The following HTR6 variants were observed in gnomAD, a reference collection of about 807,000 sequenced individuals.
The protein encoded by HTR6 is 5-hydroxytryptamine receptor 6, also known as 5-hydroxytryptamine (serotonin) receptor 6, G protein-coupled.
HTR6 carries 15 observed loss-of-function variants against 17.4 expected under a neutral mutation model. That is an observed-to-expected ratio of 0.86 (90% CI 0.58 to 1.33). The LOEUF is 1.33. Among genes scored for constraint, HTR6 ranks in the 40% most tolerant of loss-of-function variants. The pLI is 0.00. For synonymous variants in HTR6, 326 were observed against 295.5 expected, an observed-to-expected ratio of 1.10 and a Z score of -1.06; for missense variants, 578 against 616.0, an observed-to-expected ratio of 0.94 and a Z score of 0.65.
chr1:19,666,382 G>A lies in HTR6; in HGVS notation c.629G>A (p.Arg210Lys). The A allele has an allele frequency of 1.2e-6, 2 of 1,613,860 alleles. No homozygotes were observed. Among genetic ancestry groups the A allele is most frequent in the Non-Finnish European group, 1.7e-6 (2 of 1,179,990 alleles). ...GGTGCCATATGCTTCACCTACTGCAGGATCCTGCTAGCTGCCCGCAAGCAG... is the reference window on the plus strand; with the variant it reads ...GGTGCCATATGCTTCACCTACTGCAAGATCCTGCTAGCTGCCCGCAAGCAG... ...PSGAICFTYC[R>K]ILLAARKQAV... The change falls in exon 1 of 3, where the codon AGG (arginine) becomes AAG (lysine). Residue 210 changes from arginine to lysine, a missense_variant. By Grantham distance (26) the Arg-to-Lys change is conservative. Coordinates refer to ENST00000289753, the MANE Select transcript of HTR6 (RefSeq NM_000871.3). The surrounding 1 kb of genome is among the most constrained non-coding windows in gnomAD (Gnocchi z 4.5).
chr1:19,670,927 T>G (rs1183879034), intron 1 of HTR6, among the ~76,000 whole-genome samples: 10 of 152,126 alleles, frequency 6.6e-5, no homozygotes, highest in Non-Finnish European at 1.3e-4. Flanking sequence ...CCTTTCAGAG[T>G]CACTTCTTGA....
chr1:19,677,963 C>T (rs543984551), intron 1 of HTR6, among the ~76,000 whole-genome samples: 1 of 152,346 alleles, frequency 6.6e-6, no homozygotes, highest in South Asian at 2.1e-4. Flanking sequence ...TGGTCTCAAA[C>T]TCCTGACCTC....
rs1029898928 is a variant in HTR6, at chr1:19,680,084, C to T, written c.*716C>T. ...CACCTATGAGCTCTGGGGCCTGACA[C>T]GAGTTATTTAACCTCTCCGAGCCTC... On this transcript the variant is annotated 3_prime_UTR_variant, in exon 3 of 3. Transcript: ENST00000289753. 3.3e-5 allele frequency among the ~76,000 whole-genome samples: 5 copies of T among 152,182 alleles called. No homozygotes were observed. The highest frequency in any genetic ancestry group is 4.8e-5 in the African/African-American group (2 of 41,426).
At chr1:19,676,525 T>C (rs1425030452) in intron 1 of HTR6, among the ~76,000 whole-genome samples, 4 of 152,232 alleles carry the variant, frequency 2.6e-5, no homozygotes, top group Non-Finnish European at 5.9e-5. Context: ...CCCAGCAACC[T>C]CCTTGCCATT....
At chr1:19,676,653 C>T (rs955834757) in intron 1 of HTR6, among the ~76,000 whole-genome samples, 4 of 152,188 alleles carry the variant, frequency 2.6e-5, no homozygotes, top group African/African-American at 9.7e-5. Flanking sequence ...AGAGGGCATG[C>T]GCAGCAGAGT....
At chr1:19,671,185 T>C (rs2095087551) in intron 1 of HTR6, among the ~76,000 whole-genome samples, 2 of 152,144 alleles carry the variant, frequency 1.3e-5, no homozygotes, top group Non-Finnish European at 2.9e-5. Flanking sequence ...TATTATTCAC[T>C]GTGTATGTTT....
intron 1 of HTR6, among the ~76,000 whole-genome samples, chr1:19,668,708 C>T (rs961881117): frequency 6.6e-6 from 1 of 152,194 alleles, no homozygotes; most frequent in African/African-American, 2.4e-5. Flanking sequence ...TGCCCCCGTG[C>T]CTGGCATTCT....
Position 19,679,686 on chromosome 1 carries a change from C to G in HTR6, c.*318C>G, listed in dbSNP as rs2095099269. On this transcript the variant is annotated 3_prime_UTR_variant, in exon 3 of 3. Coordinates refer to ENST00000289753, the MANE Select transcript of HTR6 (RefSeq NM_000871.3). The surrounding 1 kb of genome is among the most constrained non-coding windows in gnomAD (Gnocchi z 4.9). ...CAGGTTAGGATGAAAACAATCATGA[C>G]CTTTGCCCATTCTGTCAGGCTGGAC... The G allele has an allele frequency of 3.0e-6, 1 of 337,346 alleles. No individual in the cohort carries two copies. The highest frequency in any genetic ancestry group is 2.1e-5 in the African/African-American group (1 of 47,490). The allele number at this position is 337,346 out of a possible 1,614,324, so 20.9% of individuals were successfully genotyped here. A position where few individuals can be genotyped will look rare whatever the true frequency, so the allele number is the denominator to read the frequency against.
chr1:19,668,402 T>A (rs1225176950), intron 1 of HTR6, among the ~76,000 whole-genome samples: 1 of 152,146 alleles, frequency 6.6e-6, no homozygotes, highest in Non-Finnish European at 1.5e-5. Flanking sequence ...CGATCATAAC[T>A]CACTGAACTC....
chr1:19,674,049 G>A (rs1301320119), intron 1 of HTR6, among the ~76,000 whole-genome samples: 1 of 151,972 alleles, frequency 6.6e-6, no homozygotes, highest in African/African-American at 2.4e-5. Context: ...TGTATTTTTT[G>A]TAGAGATGGG....
Position 19,665,622 on chromosome 1 carries a change from C to T in HTR6, c.-132C>T. On this transcript the variant is annotated 5_prime_UTR_variant, in exon 1 of 3. Transcript: ENST00000289753. This position sits in a 1 kb window ranked among gnomAD's most constrained non-coding sequence, Gnocchi z 4.2. ...GCGCCCCCGCCCATGTCCCCCCACT[C>T]ACCTCCCCCGGGGGGCGTGGTGAGT... 2 of 634,348 alleles carry T rather than the reference C, an allele frequency of 3.2e-6. No individual in the cohort carries two copies. Among genetic ancestry groups the T allele is most frequent in the South Asian group, 2.7e-5 (1 of 37,520 alleles). The allele number at this position is 634,348 out of a possible 1,614,324, so 39.3% of individuals were successfully genotyped here. A position where few individuals can be genotyped will look rare whatever the true frequency, so the allele number is the denominator to read the frequency against.
In HTR6 at chr1:19,679,502, G is replaced by A; in HGVS notation, c.*134G>A. On this transcript the variant is annotated 3_prime_UTR_variant, in exon 3 of 3. Transcript: ENST00000289753. The surrounding 1 kb of genome is among the most constrained non-coding windows in gnomAD (Gnocchi z 4.9). The stretch of plus-strand genomic sequence containing the variant: ...CCTCTGAGCTCCAGAGGGGTGCGCA[G>A]AGCTGACCCCCTGCTGCCATCTCCA... The A allele has an allele frequency of 7.7e-7, 1 of 1,303,698 alleles. No homozygotes were observed. Among genetic ancestry groups the A allele is most frequent in the South Asian group, 1.6e-5 (1 of 62,534 alleles). The allele number at this position is 1,303,698 out of a possible 1,614,324, so 80.8% of individuals were successfully genotyped here.
chr1:19,667,655 G>A (rs927916740), intron 1 of HTR6, among the ~76,000 whole-genome samples: 1 of 152,138 alleles, frequency 6.6e-6, no homozygotes, highest in Non-Finnish European at 1.5e-5. Flanking sequence ...ATCGAGGTCA[G>A]TTTTGATCCC....
rs143672494 is a variant in HTR6 at position 19,666,321 on chromosome 1, C to T, written c.568C>T (p.Leu190Phe). 12 of 1,613,472 alleles carry T rather than the reference C, an allele frequency of 7.4e-6. No individual in the cohort carries two copies. In the African/African-American group the frequency reaches 9.3e-5, roughly 13 times the overall value. ...CRLLASLPFV[L>F]VASGLTFFLP... is the part of the protein sequence containing the mutation. ...CCTGCTGGCCAGCCTGCCTTTTGTC[C>T]TTGTGGCGTCGGGCCTCACCTTCTT... The change falls in exon 1 of 3, where the codon CTT becomes TTT. Residue 190 changes from leucine to phenylalanine, a missense_variant. By Grantham distance (22) the Leu-to-Phe change is conservative. Coordinates refer to ENST00000289753, the MANE Select transcript of HTR6 (RefSeq NM_000871.3). This position sits in a 1 kb window ranked among gnomAD's most constrained non-coding sequence, Gnocchi z 4.5.
At chr1:19,671,001 G>A (rs2095087363) in intron 1 of HTR6, among the ~76,000 whole-genome samples, 1 of 152,164 alleles carries the variant, frequency 6.6e-6, no homozygotes, top group Non-Finnish European at 1.5e-5. Context: ...ATTGACACCT[G>A]CTTTGCACAG....
chr1:19,677,983 G>A (rs1304091414), intron 1 of HTR6, among the ~76,000 whole-genome samples: 1 of 152,174 alleles, frequency 6.6e-6, no homozygotes, highest in Non-Finnish European at 1.5e-5. Flanking sequence ...CAAGTGATCT[G>A]CCTGCCTCGG....
rs146387584 is a variant in HTR6, at chr1:19,676,231, G to A, written c.715-2336G>A. On this transcript the variant is annotated intron_variant, in intron 1 of 2. Coordinates refer to ENST00000289753, the MANE Select transcript of HTR6 (RefSeq NM_000871.3). Reference sequence around the variant, plus strand: ...CATTTATTATCCATAGCTTCACAGCGACGCCGTAAGCTGAGTATCATTTCT... The same window carrying A: ...CATTTATTATCCATAGCTTCACAGCAACGCCGTAAGCTGAGTATCATTTCT... Among the ~76,000 whole-genome samples, 776 of 152,290 alleles carry A rather than the reference G, an allele frequency of 5.1e-3. 5 individuals are homozygous for A. Among genetic ancestry groups the A allele is most frequent in the Non-Finnish European group, 8.7e-3 (593 of 68,022 alleles).
chr1:19,673,860 C>CT (rs549470101), intron 1 of HTR6, among the ~76,000 whole-genome samples: 3,710 of 128,258 alleles, frequency 0.029, 67 homozygotes, highest in South Asian at 0.057. Flanking sequence ...CCTTCTAGGT[C>CT]TTTTTTTTTT....
intron 1 of HTR6, among the ~76,000 whole-genome samples, chr1:19,677,649 A>G (rs2095095963): frequency 1.3e-5 from 2 of 152,230 alleles, no homozygotes; most frequent in Admixed American, 6.5e-5. Context: ...ATTGCTCCCA[A>G]ATGTGAAGAC....
Sources: allele counts gnomAD v4.1 joint callset (sites outside exome capture counted in the v4.1 genomes callset), GRCh38; gene constraint gnomAD v4.1.1; non-coding constraint Gnocchi (gnomAD v3.1); transcripts MANE v1.5; gene names NCBI Gene and HGNC (gene_info 2026-07-23, HGNC 2026-07-21).